OR1M1: variants seen among roughly 807,000 people sequenced by gnomAD.
OR1M1 encodes the protein olfactory receptor 1M1.
For missense variants in OR1M1, 397 were observed against 401.8 expected (o/e 0.99, Z 0.10); for synonymous variants, 157 against 165.5 (o/e 0.95, Z 0.39).
At position 9,093,803 on chromosome 19, in the gene OR1M1, C is replaced by T. The variant is rs750260461; in HGVS notation, c.559C>T (p.Leu187Phe). 2.6e-5 allele frequency: 42 copies of T among 1,613,938 alleles called. No homozygotes were observed. Among genetic ancestry groups the T allele is most frequent in the Middle Eastern group, 3.3e-4 (2 of 6,084 alleles). Reference protein sequence around the residue: ...YFCDLTPILRLSCTDTSVNRI... With the variant: ...YFCDLTPILRFSCTDTSVNRI... ...CTGCGACCTCACTCCCATCCTCCGA[C>T]TTTCGTGCACGGACACCTCTGTGAA... Residue 187 changes from leucine to phenylalanine, a missense_variant, in exon 2 of 2, where the codon CTT becomes TTT. Transcript: ENST00000641627.
At chr19:9,090,230 T>C (rs2050285258) in intron 1 of OR1M1, among the ~76,000 whole-genome samples, 1 of 152,176 alleles carries the variant, frequency 6.6e-6, no homozygotes, top group Non-Finnish European at 1.5e-5. Flanking sequence ...TCAAATGTCT[T>C]GAGGACAGGG....
intron 1 of OR1M1, among the ~76,000 whole-genome samples, chr19:9,089,223 T>A (rs999714560): frequency 6.6e-6 from 1 of 152,128 alleles, no homozygotes; most frequent in African/African-American, 2.4e-5. Flanking sequence ...GACTCTAGTA[T>A]CCTCTGTTCT....
intron 1 of OR1M1, among the ~76,000 whole-genome samples, chr19:9,092,411 T>A (rs1360083401): frequency 6.6e-6 from 1 of 151,820 alleles, no homozygotes; most frequent in African/African-American, 2.4e-5. Context: ...CTGGACAACA[T>A]AGCAAGATCC....
intron 1 of OR1M1, among the ~76,000 whole-genome samples, chr19:9,092,756 C>G (rs1476697052): frequency 1.3e-5 from 2 of 151,648 alleles, no homozygotes; most frequent in Non-Finnish European, 2.9e-5. Flanking sequence ...AAAAAATTAG[C>G]CGGACGTGGT....
rs2050269106 is a variant in OR1M1, at chr19:9,087,133, T to G, written c.-38T>G. 2 of 150,624 alleles carry G rather than the reference T, an allele frequency of 1.3e-5. No individual in the cohort carries two copies. The highest frequency in any genetic ancestry group is 4.3e-4 in the South Asian group (2 of 4,696). The allele number at this position is 150,624 out of a possible 1,614,324, so 9.3% of individuals were successfully genotyped here. A position where few individuals can be genotyped will look rare whatever the true frequency, so the allele number is the denominator to read the frequency against. On this transcript the variant is annotated 5_prime_UTR_variant, in exon 1 of 2. Transcript: ENST00000641627. ...AGTTTAACTCATGCCTGGGTGATGG[T>G]GTCAAGAAGAGGAAAGATAGCCCAG... is the stretch of plus-strand genomic sequence containing the variant.
At position 9,094,335 on chromosome 19, in the gene OR1M1, G is replaced by A. The variant is rs1052686339; in HGVS notation, c.*149G>A. The A allele has an allele frequency of 4.5e-5, 26 of 578,802 alleles. No homozygotes were observed. The highest frequency in any genetic ancestry group is 6.1e-5 in the Admixed American group (2 of 32,600). 35.9% of individuals were successfully genotyped at this position (578,802 alleles called of 1,614,324 possible). On this transcript the variant is annotated 3_prime_UTR_variant, in exon 2 of 2. Coordinates refer to ENST00000641627, the MANE Select transcript of OR1M1 (RefSeq NM_001004456.2). ...GAGATGGGGTCTCACTATGTTGCCC[G>A]TGCTGGAGTGCAGTGGCGTGATCAT... is the stretch of plus-strand genomic sequence containing the variant.
intron 1 of OR1M1, among the ~76,000 whole-genome samples, chr19:9,087,738 G>A (rs1037761820): frequency 4.0e-5 from 6 of 151,318 alleles, no homozygotes; most frequent in African/African-American, 1.5e-4. Context: ...GTGCTCGGCC[G>A]ACACTGGAAG....
rs143401934 is a variant in OR1M1 at position 9,093,751 on chromosome 19, C to T, written c.507C>T (p.Cys169=). 73 of 1,613,810 alleles carry T rather than the reference C, an allele frequency of 4.5e-5. No homozygotes were observed. Among genetic ancestry groups the T allele is most frequent in the Non-Finnish European group, 5.5e-5 (65 of 1,180,036 alleles). Reference sequence around the variant, plus strand: ...TCCTGATGGCCCGTCTCGTTTTCTGCGGCAGCCATGAGGTGCCTCACTACT... The same window carrying T: ...TCCTGATGGCCCGTCTCGTTTTCTGTGGCAGCCATGAGGTGCCTCACTACT... ...HILLMARLVF[C]GSHEVPHYFC... The change falls in exon 2 of 2, where the codon TGC becomes TGT. Residue 169 remains cysteine, a synonymous_variant. Transcript: ENST00000641627.
rs755780723 is a variant in OR1M1, at chr19:9,094,209, G to T, written c.*23G>T. ...TGACCACCAGGACTCAGGAACTTCTGGGGGGTAGAATATATACATCTGGGA... is the reference window on the plus strand; with the variant it reads ...TGACCACCAGGACTCAGGAACTTCTTGGGGGTAGAATATATACATCTGGGA... On this transcript the variant is annotated 3_prime_UTR_variant, in exon 2 of 2. Transcript: ENST00000641627. 15 of 1,487,780 alleles carry T rather than the reference G, an allele frequency of 1.0e-5. No individual in the cohort carries two copies. The highest frequency in any genetic ancestry group is 4.1e-5 in the African/African-American group (3 of 72,302). 92.2% of individuals were successfully genotyped at this position (1,487,780 alleles called of 1,614,324 possible). A position where few individuals can be genotyped will look rare whatever the true frequency, so the allele number is the denominator to read the frequency against.
chr19:9,090,107 T>C (rs2050284711), intron 1 of OR1M1, among the ~76,000 whole-genome samples: 1 of 152,202 alleles, frequency 6.6e-6, no homozygotes. Flanking sequence ...TGCCTGGCAA[T>C]ACAGGATAAC....
chr19:9,087,899 CT>C (rs957250865), intron 1 of OR1M1, among the ~76,000 whole-genome samples: 2 of 150,666 alleles, frequency 1.3e-5, no homozygotes, highest in Admixed American at 6.6e-5. Flanking sequence ...CGTAACTAGA[CT>C]TTTTTTTTGA....
Position 9,093,763 on chromosome 19 carries a change from G to C in OR1M1, c.519G>C (p.Glu173Asp), listed in dbSNP as rs567733875. 3 of 1,613,926 alleles carry C rather than the reference G, an allele frequency of 1.9e-6. No individual in the cohort carries two copies. Among genetic ancestry groups the C allele is most frequent in the Admixed American group, 3.3e-5 (2 of 60,012 alleles). ...GTCTCGTTTTCTGCGGCAGCCATGAGGTGCCTCACTACTTCTGCGACCTCA... is the reference window on the plus strand; with the variant it reads ...GTCTCGTTTTCTGCGGCAGCCATGACGTGCCTCACTACTTCTGCGACCTCA... ...MARLVFCGSH[E>D]VPHYFCDLTP... is the part of the protein sequence containing the mutation. Residue 173 changes from glutamate (E) to aspartate (D), a missense_variant, in exon 2 of 2, where the codon GAG becomes GAC. Transcript: ENST00000641627.
Position 9,093,506 on chromosome 19 carries a change from G to T in OR1M1, c.262G>T (p.Gly88Trp). ...IPKMLVSLQT[G>W]SKAISYPCCL... ...TAAGATGCTGGTGAGCCTTCAAACC[G>T]GGAGCAAGGCCATCTCTTATCCCTG... is the stretch of plus-strand genomic sequence containing the variant. The change falls in exon 2 of 2, where the codon GGG (glycine) becomes TGG (tryptophan). Residue 88 changes from glycine (G) to tryptophan (W), a missense_variant. By Grantham distance (184) the Gly-to-Trp change is radical (BLOSUM62 -2). Transcript: ENST00000641627. 3.7e-6 allele frequency: 6 copies of T among 1,614,088 alleles called. No homozygotes were observed. The highest frequency in any genetic ancestry group is 5.1e-6 in the Non-Finnish European group (6 of 1,180,022).
Position 9,094,352 on chromosome 19 carries a change from C to T in OR1M1, c.*166C>T. 1 of 555,228 alleles carries T rather than the reference C, an allele frequency of 1.8e-6. No individual in the cohort carries two copies. Among genetic ancestry groups the T allele is most frequent in the South Asian group, 2.5e-5 (1 of 39,856 alleles). The allele number at this position is 555,228 out of a possible 1,614,324, so 34.4% of individuals were successfully genotyped here. On this transcript the variant is annotated 3_prime_UTR_variant, in exon 2 of 2. Transcript: ENST00000641627. ...TGTTGCCCGTGCTGGAGTGCAGTGG[C>T]GTGATCATAGATCACTGCAGCTTCA...
Position 9,094,142 on chromosome 19 carries a change from G to T in OR1M1, c.898G>T (p.Ala300Ser). The T allele has an allele frequency of 6.2e-7, 1 of 1,612,482 alleles. No individual in the cohort carries two copies. Among genetic ancestry groups the T allele is most frequent in the South Asian group, 1.1e-5 (1 of 91,042 alleles). ...CTTGAGGAACAGAGACCTGAAAGGG[G>T]CTCTCAGGAAGCTGGTCAACAGAAA... ...YSLRNRDLKG[A>S]LRKLVNRKIT... The change falls in exon 2 of 2, where the codon GCT becomes TCT. Residue 300 changes from alanine to serine, a missense_variant. Ala to Ser is a moderately conservative substitution (Grantham distance 99). Transcript: ENST00000641627.
chr19:9,093,013 C>A (rs2050301459), intron 1 of OR1M1, among the ~76,000 whole-genome samples: 1 of 137,734 alleles, frequency 7.3e-6, no homozygotes, highest in African/African-American at 2.8e-5. Flanking sequence ...AATATATTTA[C>A]ATATATTCTC....
At chr19:9,088,620 T>G (rs756395009) in intron 1 of OR1M1, among the ~76,000 whole-genome samples, 248 of 152,092 alleles carry the variant, frequency 1.6e-3, no homozygotes, top group Non-Finnish European at 1.9e-3. Context: ...GCACGGTGGC[T>G]CACACCTGTA....
Position 9,094,033 on chromosome 19 carries a change from C to G in OR1M1, c.789C>G (p.Ser263=). The part of the protein sequence containing the change: ...GTTIGVYLCP[S]SVLTTVKEKA... Reference sequence around the variant, plus strand: ...CCATTGGCGTCTATCTGTGTCCCTCCTCGGTCCTCACCACTGTGAAGGAGA... The same window carrying G: ...CCATTGGCGTCTATCTGTGTCCCTCGTCGGTCCTCACCACTGTGAAGGAGA... The change falls in exon 2 of 2, where the codon TCC becomes TCG. Residue 263 remains serine (S), a synonymous_variant. Transcript: ENST00000641627. The G allele has an allele frequency of 6.2e-7, 1 of 1,614,104 alleles. No individual in the cohort carries two copies.
At chr19:9,088,227 G>A (rs2050274709) in intron 1 of OR1M1, among the ~76,000 whole-genome samples, 4 of 152,134 alleles carry the variant, frequency 2.6e-5, no homozygotes, top group African/African-American at 9.7e-5. Flanking sequence ...AGTGCCTGAA[G>A]GAACAGATGG....
Sources: gnomAD v4.1 joint callset for allele counts (sites outside exome capture counted in the v4.1 genomes callset) on GRCh38, gnomAD v4.1.1 for gene constraint, MANE v1.5 for transcripts, NCBI Gene and HGNC (gene_info 2026-07-23, HGNC 2026-07-21) for gene names.